Variants in LRBA observed in about 807,000 individuals in gnomAD.
LRBA encodes the protein lipopolysaccharide-responsive and beige-like anchor protein.
In LRBA, 176 loss-of-function variants were observed where a neutral mutation model predicts 330.0. The observed-to-expected ratio is 0.53, with a 90% CI of 0.47 to 0.60. The LOEUF (loss-of-function observed/expected upper bound fraction) is 0.60. LRBA is among the 20% of genes least tolerant of loss of function. The pLI, the probability that LRBA is intolerant of heterozygous loss-of-function variation, is 0.00. For missense variants in LRBA, 3,259 were observed against 3,444.8 expected (o/e 0.95, Z 1.35); for synonymous variants, 1,230 against 1,193.0 (o/e 1.03, Z -0.64).
At chr4:150,657,208 T>C (rs144018939) in intron 37 of LRBA, among the ~76,000 whole-genome samples, 11 of 152,356 alleles carry the variant, frequency 7.2e-5, no homozygotes, top group African/African-American at 2.6e-4. Flanking sequence ...TTTTTGTTTT[T>C]CTAGTTTTGT....
intron 46 of LRBA, chr4:150,423,493 T>C: frequency 3.8e-6 from 2 of 524,796 alleles, no homozygotes; most frequent in Non-Finnish European, 7.0e-6. Context: ...AGGAATAATT[T>C]CTTTCCATGG....
At chr4:150,477,476 T>A (rs190538247) in intron 42 of LRBA, among the ~76,000 whole-genome samples, 44 of 152,052 alleles carry the variant, frequency 2.9e-4, no homozygotes, top group Admixed American at 7.2e-4. Context: ...AAGAAAAAAT[T>A]AAACCATCAG....
intron 2 of LRBA, among the ~76,000 whole-genome samples, chr4:150,982,414 T>C (rs1212165601): frequency 6.6e-6 from 1 of 152,164 alleles, no homozygotes; most frequent in Non-Finnish European, 1.5e-5. Flanking sequence ...TAAAAACTAC[T>C]AAATTATTTA....
At chr4:150,826,075 TAAGA>T (rs1746233879) in intron 30 of LRBA, among the ~76,000 whole-genome samples, 1 of 152,186 alleles carries the variant, frequency 6.6e-6, no homozygotes, top group Non-Finnish European at 1.5e-5. Context: ...AGGATTGTTA[TAAGA>T]AAGGCATACC....
At chr4:150,604,475 C>T (rs966163224) in intron 37 of LRBA, among the ~76,000 whole-genome samples, 1 of 151,706 alleles carries the variant, frequency 6.6e-6, no homozygotes, top group African/African-American at 2.4e-5. Flanking sequence ...GTATGAATGG[C>T]CAAATATTCT....
At chr4:150,758,842 TGGAATTA>T (rs1734685120) in intron 35 of LRBA, among the ~76,000 whole-genome samples, 1 of 151,910 alleles carries the variant, frequency 6.6e-6, no homozygotes, top group African/African-American at 2.4e-5. Flanking sequence ...CTCAAAGTGC[TGGAATTA>T]CAGACAGAAG....
intron 50 of LRBA, among the ~76,000 whole-genome samples, chr4:150,315,981 T>TG (rs1292005826): frequency 6.6e-6 from 1 of 152,158 alleles, no homozygotes; most frequent in Non-Finnish European, 1.5e-5. Flanking sequence ...ACTATTTTTT[T>TG]GTTACTTCTT....
In LRBA at chr4:150,777,795, T is replaced by C. The variant is rs1231507894; in HGVS notation, c.5581-15948A>G. ...GAAATTGAGACCATCCTGGCCAACA[T>C]GGTGAAACCCCGTCTCTACTAAAAT... On this transcript the variant is annotated intron_variant, in intron 34 of 56. Coordinates refer to ENST00000651943, the MANE Select transcript of LRBA (RefSeq NM_001364905.1). 4.6e-5 allele frequency among the ~76,000 whole-genome samples: 7 copies of C among 151,844 alleles called. No homozygotes were observed. In the East Asian group the frequency reaches 1.2e-3, roughly 25 times the overall value.
chr4:150,663,359 A>C (rs1171821080), intron 37 of LRBA, among the ~76,000 whole-genome samples: 2 of 152,150 alleles, frequency 1.3e-5, no homozygotes, highest in African/African-American at 4.8e-5. Context: ...AATTATATCA[A>C]GTAAGATGTC....
intron 46 of LRBA, among the ~76,000 whole-genome samples, chr4:150,424,629 GCACA>G (rs368621265): frequency 1.9e-4 from 28 of 150,198 alleles, no homozygotes; most frequent in Non-Finnish European, 2.5e-4. Context: ...GTGCACACAC[GCACA>G]CACACACACA....
At chr4:150,644,198 C>A (rs537138430) in intron 37 of LRBA, among the ~76,000 whole-genome samples, 1 of 151,850 alleles carries the variant, frequency 6.6e-6, no homozygotes, top group African/African-American at 2.4e-5. Flanking sequence ...TATGCAGTAA[C>A]ACGATAGCTA....
chr4:150,481,949 T>C (rs551402191), intron 42 of LRBA, among the ~76,000 whole-genome samples: 1 of 152,218 alleles, frequency 6.6e-6, no homozygotes, highest in South Asian at 2.1e-4. Flanking sequence ...TGCCTAAGAG[T>C]GGAATTAGTA....
chr4:150,665,892 G>A (rs773240276), intron 37 of LRBA, among the ~76,000 whole-genome samples: 16 of 152,134 alleles, frequency 1.1e-4, no homozygotes, highest in Admixed American at 7.9e-4. Flanking sequence ...ATTCTTCTAT[G>A]CCAAACTTCC....
chr4:150,691,120 C>T lies in LRBA; in HGVS notation c.5755-7403G>A, dbSNP rs569923869. Reference sequence around the variant, plus strand: ...AATTTTTTGTATTTTTTAGTAGAGGCGGGGTTTCACCATGTTAGCCAGGAT... The same window carrying T: ...AATTTTTTGTATTTTTTAGTAGAGGTGGGGTTTCACCATGTTAGCCAGGAT... On this transcript the variant is annotated intron_variant, in intron 36 of 56. Transcript: ENST00000651943. Among the ~76,000 whole-genome samples, 265 of 151,646 alleles carry T rather than the reference C, an allele frequency of 1.7e-3. 1 individual carries two copies. Among genetic ancestry groups the T allele is most frequent in the Non-Finnish European group, 3.0e-3 (202 of 67,820 alleles).
At chr4:150,865,321 A>C (rs547799205) in intron 22 of LRBA, among the ~76,000 whole-genome samples, 6 of 152,208 alleles carry the variant, frequency 3.9e-5, no homozygotes, top group Non-Finnish European at 1.5e-5. Context: ...CAAATAGTAA[A>C]TATTTTAGAT....
chr4:150,827,925 A>G (rs986780385), intron 30 of LRBA, among the ~76,000 whole-genome samples: 3 of 151,982 alleles, frequency 2.0e-5, no homozygotes, highest in Non-Finnish European at 4.4e-5. Context: ...TCTTAATAAC[A>G]TGTTCTTTTT....
intron 40 of LRBA, among the ~76,000 whole-genome samples, chr4:150,568,146 A>T (rs1418249738): frequency 6.6e-6 from 1 of 152,170 alleles, no homozygotes; most frequent in Admixed American, 6.5e-5. Context: ...TCTCTACAAT[A>T]AATAAATAAA....
intron 31 of LRBA, among the ~76,000 whole-genome samples, chr4:150,810,756 C>T (rs1474583491): frequency 6.6e-6 from 1 of 152,064 alleles, no homozygotes; most frequent in East Asian, 1.9e-4. Context: ...TGGATGCCAC[C>T]ACACCTGGCT....
intron 2 of LRBA, among the ~76,000 whole-genome samples, chr4:150,935,262 T>C (rs550809303): frequency 2.0e-5 from 3 of 151,950 alleles, no homozygotes; most frequent in African/African-American, 4.8e-5. Flanking sequence ...ATATATAATA[T>C]AGGAATGACA....
Sources: allele counts gnomAD v4.1 joint callset (sites outside exome capture counted in the v4.1 genomes callset), GRCh38; gene constraint gnomAD v4.1.1; transcripts MANE v1.5; gene names NCBI Gene and HGNC (gene_info 2026-07-23, HGNC 2026-07-21).